The following MYH13 variants were observed in gnomAD, a reference collection of about 807,000 sequenced individuals.
MYH13 encodes the protein myosin-13.
MYH13 carries 177 observed loss-of-function variants against 232.1 expected under a neutral mutation model. The observed-to-expected ratio is 0.76, with a 90% confidence interval of 0.67 to 0.86. The LOEUF (loss-of-function observed/expected upper bound fraction) is 0.86, where lower values mean the gene tolerates loss of function less well. MYH13 is among the 40% of genes least tolerant of loss of function. The pLI is 0.00. For missense variants in MYH13, 2,246 were observed against 2,405.9 expected, an observed-to-expected ratio of 0.93 and a Z score of 1.39; for synonymous variants, 884 against 923.5, an observed-to-expected ratio of 0.96 and a Z score of 0.78.
intron 22 of MYH13, 60 bp downstream of exon 22, chr17:10,327,806 C>T: frequency 6.3e-7 from 1 of 1,577,624 alleles, no homozygotes; most frequent in Non-Finnish European, 8.6e-7. Flanking sequence ...CCTCAATGTT[C>T]CTCCCCCTTT....
At chr17:10,305,602 C>T (rs1906250117) in intron 37 of MYH13, among the ~76,000 whole-genome samples, 1 of 152,186 alleles carries the variant, frequency 6.6e-6, no homozygotes, top group South Asian at 2.1e-4. Flanking sequence ...CTCCTTTCCT[C>T]CCTCTCTTTC....
intron 5 of MYH13, 110 bp from the exon 6 acceptor site, chr17:10,360,298 C>T: frequency 8.2e-7 from 1 of 1,226,548 alleles, no homozygotes; most frequent in Non-Finnish European, 1.2e-6. Flanking sequence ...AATGTCTTTG[C>T]CATTAACCAC....
At chr17:10,319,249 G>A (rs555730770) in intron 26 of MYH13, 70 bp from the exon 27 acceptor site, 20 of 1,508,670 alleles carry the variant, frequency 1.3e-5, no homozygotes, top group Admixed American at 1.1e-4. Flanking sequence ...GGGGCTGGGT[G>A]TTGAGGAATT....
chr17:10,325,927 G>C (rs997137623), intron 22 of MYH13, among the ~76,000 whole-genome samples: 1 of 152,098 alleles, frequency 6.6e-6, no homozygotes, highest in East Asian at 1.9e-4. Context: ...CGCCCGCCTC[G>C]GCCTCCCAAA....
rs200236843 is a variant in MYH13, at chr17:10,313,296, C to G, written c.4043G>C (p.Arg1348Pro). 413 of 1,614,244 alleles carry G rather than the reference C, an allele frequency of 2.6e-4. No homozygotes were observed. The highest frequency in any genetic ancestry group is 3.2e-4 in the Non-Finnish European group (373 of 1,180,048). ...QSSRHDCDLLREQYEEEQEAK... is the reference protein window; with the variant it reads ...QSSRHDCDLLPEQYEEEQEAK... ...TTCCTGCTCCTCCTCATACTGTTCC[C>G]GCAGCAGGTCACAGTCGTGGCGGGA... is the stretch of plus-strand genomic sequence containing the variant. The change falls in exon 30 of 41, where the codon CGG becomes CCG. Residue 1348 changes from arginine to proline, a missense_variant. Physicochemically the swap from Arg to Pro is moderately radical, Grantham distance 103. Transcript: ENST00000252172.
intron 2 of MYH13, among the ~76,000 whole-genome samples, chr17:10,364,944 C>T (rs938383192): frequency 1.4e-4 from 21 of 152,118 alleles, no homozygotes; most frequent in Admixed American, 8.5e-4. Context: ...GGCTCGATCT[C>T]GGCTCTGCAA....
intron 37 of MYH13, among the ~76,000 whole-genome samples, chr17:10,305,506 C>T (rs1322626674): frequency 6.6e-6 from 1 of 152,126 alleles, no homozygotes. Flanking sequence ...GGAGGATATC[C>T]TCGGGTGGTT....
intron 21 of MYH13, among the ~76,000 whole-genome samples, chr17:10,328,683 T>A (rs1907306568): frequency 6.6e-6 from 1 of 150,622 alleles, no homozygotes; most frequent in African/African-American, 2.4e-5. Context: ...TATTCGTTTT[T>A]TTTTTTTTTT....
chr17:10,336,552 C>T (rs2071576880), intron 18 of MYH13, among the ~76,000 whole-genome samples: 2 of 152,134 alleles, frequency 1.3e-5, no homozygotes, highest in Admixed American at 1.3e-4. Flanking sequence ...GCAAAAAAGC[C>T]TCCTGCAAGC....
intron 39 of MYH13, 128 bp downstream of exon 39, chr17:10,303,068 T>A (rs1906150944): frequency 1.2e-5 from 9 of 765,412 alleles, no homozygotes; most frequent in Non-Finnish European, 2.0e-5. Flanking sequence ...TGTCTCTGTG[T>A]TTATAGCCTG....
intron 18 of MYH13, among the ~76,000 whole-genome samples, chr17:10,339,854 G>A (rs114810985): frequency 3.9e-5 from 6 of 152,054 alleles, no homozygotes; most frequent in Admixed American, 2.0e-4. Flanking sequence ...CATTTTTGTG[G>A]TTACATAATA....
rs371057299 is a variant in MYH13, at chr17:10,324,216, T to C, written c.2740A>G (p.Lys914Glu). Residue 914 changes from lysine (K) to glutamate (E), a missense_variant, in exon 23 of 41, where the codon AAA (lysine) becomes GAA (glutamate). Lys to Glu is a moderately conservative substitution (Grantham distance 56). Coordinates refer to ENST00000252172, the MANE Select transcript of MYH13 (RefSeq NM_003802.3). ...TTTGCTTCCAGTAGGATCTTGCTTT[T>C]GATGAGTCCTTCACACCGTTCCTCA... Reference protein sequence around the residue: ...DAEERCEGLIKSKILLEAKVK... With the variant: ...DAEERCEGLIESKILLEAKVK... 4.3e-6 allele frequency: 7 copies of C among 1,614,020 alleles called. No homozygotes were observed. The African/African-American group carries it at 9.3e-5, about 22-fold the overall frequency.
chr17:10,354,052 A>C (rs779092798), intron 11 of MYH13, among the ~76,000 whole-genome samples: 1 of 152,170 alleles, frequency 6.6e-6, no homozygotes, highest in Admixed American at 6.5e-5. Flanking sequence ...TAAAATGGAG[A>C]CAATAATGAC....
rs775964864 is a variant in MYH13, at chr17:10,319,081, C to G, written c.3447G>C (p.Glu1149Asp). Residue 1149 changes from glutamate (E) to aspartate (D), a missense_variant, in exon 27 of 41, where the codon GAG becomes GAC. Coordinates refer to ENST00000252172, the MANE Select transcript of MYH13 (RefSeq NM_003802.3). ...QRSDLARELE[E>D]ISERLEEASG... ...TGGCTTCTTCCAGCCTCTCGCTGAT[C>G]TCCTCCAGTTCCCTGGCCAGATCTG... The G allele has an allele frequency of 3.1e-6, 5 of 1,614,176 alleles. No individual in the cohort carries two copies. The highest frequency in any genetic ancestry group is 4.2e-6 in the Non-Finnish European group (5 of 1,180,016).
chr17:10,351,718 T>C (rs570556571), intron 11 of MYH13, among the ~76,000 whole-genome samples: 62 of 152,292 alleles, frequency 4.1e-4, no homozygotes, highest in South Asian at 2.3e-3. Context: ...CCTAGGGTCA[T>C]TGCTGGTTTG....
At chr17:10,361,644 C>A (rs1419333035) in intron 5 of MYH13, among the ~76,000 whole-genome samples, 3 of 152,118 alleles carry the variant, frequency 2.0e-5, no homozygotes, top group Non-Finnish European at 4.4e-5. Context: ...GAAGGTTGAA[C>A]AGACAGACTT....
In MYH13 at chr17:10,303,510, G is replaced by A; in HGVS notation, c.5467-12C>T. ...TCCAGCTCCCGCACCTGAGTAGGAT[G>A]AAAGGAACACAGAATTCAAATCTCC... On this transcript the variant is annotated splice_polypyrimidine_tract_variant and intron_variant, in intron 37 of 40. Transcript: ENST00000252172. 6.2e-7 allele frequency: 1 copy of A among 1,609,810 alleles called. No individual in the cohort carries two copies. Among genetic ancestry groups the A allele is most frequent in the Admixed American group, 1.7e-5 (1 of 60,016 alleles).
rs1439676380 is a variant in MYH13 at position 10,309,694 on chromosome 17, G to C, written c.4793C>G (p.Ala1598Gly). The part of the protein sequence containing the change: ...EQLKRNSQRA[A>G]EALQSVLDAE... ...ATCCAGCACGCTCTGCAGGGCCTCT[G>C]CTGCCCGCTGGCTGTTTCTTTTTAG... is the stretch of plus-strand genomic sequence containing the variant. Residue 1598 changes from alanine to glycine, a missense_variant, in exon 34 of 41, where the codon GCA becomes GGA. Transcript: ENST00000252172. The C allele has an allele frequency of 6.8e-6, 11 of 1,607,948 alleles. No individual in the cohort carries two copies. Among genetic ancestry groups the C allele is most frequent in the Non-Finnish European group, 9.3e-6 (11 of 1,177,176 alleles).
chr17:10,329,367 C>A (rs1196331024), intron 21 of MYH13, among the ~76,000 whole-genome samples: 3 of 152,162 alleles, frequency 2.0e-5, no homozygotes, highest in Non-Finnish European at 2.9e-5. Context: ...TTAATCCATG[C>A]CCTCCTCTCT....
Sources: gnomAD v4.1 joint callset for allele counts (sites outside exome capture counted in the v4.1 genomes callset) on GRCh38, gnomAD v4.1.1 for gene constraint, MANE v1.5 for transcripts, NCBI Gene and HGNC (gene_info 2026-07-23, HGNC 2026-07-21) for gene names.